LANCL2: variants seen among roughly 807,000 people sequenced by gnomAD.
LANCL2 encodes lanC-like protein 2.
Under a neutral mutation model 56.9 loss-of-function variants are expected in LANCL2, and 33 were observed. The ratio of observed to expected loss-of-function variants is 0.58; its 90% CI spans 0.44 to 0.78. The LOEUF is 0.78. LANCL2 is among the 30% of genes least tolerant of loss of function. The pLI, the probability that LANCL2 is intolerant of heterozygous loss-of-function variation, is 0.00. For synonymous variants in LANCL2, 233 were observed against 228.2 expected (o/e 1.02, Z -0.19); for missense variants, 562 against 580.2 (o/e 0.97, Z 0.32).
chr7:55,375,674 G>A (rs73697217), intron 1 of LANCL2, among the ~76,000 whole-genome samples: 7,689 of 152,218 alleles, frequency 0.051, 648 homozygotes, highest in African/African-American at 0.17. Flanking sequence ...AGAAGTCCAG[G>A]TACAGTCTGG....
intron 1 of LANCL2, among the ~76,000 whole-genome samples, chr7:55,377,148 C>T (rs981120098): frequency 5.9e-5 from 9 of 151,972 alleles, no homozygotes; most frequent in Non-Finnish European, 1.2e-4. Context: ...TAAAATCTAC[C>T]CTTTATTTTT....
intron 1 of LANCL2, among the ~76,000 whole-genome samples, chr7:55,376,605 G>T (rs1014010616): frequency 1.3e-5 from 2 of 152,194 alleles, no homozygotes; most frequent in Non-Finnish European, 2.9e-5. Flanking sequence ...CTCTGTGAGT[G>T]GGCATCTGAT....
At chr7:55,384,646 A>G (rs1442879739) in intron 1 of LANCL2, among the ~76,000 whole-genome samples, 1 of 152,204 alleles carries the variant, frequency 6.6e-6, no homozygotes, top group Non-Finnish European at 1.5e-5. Flanking sequence ...CCAAATCAAG[A>G]CAAAGGTAAA....
chr7:55,388,070 C>T (rs1201163000), intron 1 of LANCL2, among the ~76,000 whole-genome samples: 2 of 152,112 alleles, frequency 1.3e-5, no homozygotes, highest in African/African-American at 4.8e-5. Flanking sequence ...TGTAGGTTAA[C>T]CATTTGAGCT....
chr7:55,421,120 T>TA (rs1790603506), intron 6 of LANCL2, among the ~76,000 whole-genome samples: 1 of 152,218 alleles, frequency 6.6e-6, no homozygotes, highest in South Asian at 2.1e-4. Flanking sequence ...GGACTTGTGT[T>TA]ATAGCTAGTC....
chr7:55,397,755 G>C (rs945957171), intron 2 of LANCL2, among the ~76,000 whole-genome samples: 1 of 144,518 alleles, frequency 6.9e-6, no homozygotes, highest in African/African-American at 2.6e-5. Flanking sequence ...CCCTTCTTTG[G>C]AGATTCTCAG....
intron 6 of LANCL2, among the ~76,000 whole-genome samples, chr7:55,416,327 C>T (rs1231885858): frequency 6.6e-6 from 1 of 152,088 alleles, no homozygotes; most frequent in Admixed American, 6.6e-5. Context: ...TGCACTGTCA[C>T]CCAGGCTGGA....
intron 6 of LANCL2, among the ~76,000 whole-genome samples, chr7:55,415,002 GA>G (rs397824594): frequency 1.2e-4 from 14 of 116,308 alleles, no homozygotes; most frequent in East Asian, 2.5e-4. Flanking sequence ...AAAAAAAAAA[GA>G]AAAGAAAAGA....
intron 1 of LANCL2, among the ~76,000 whole-genome samples, chr7:55,385,686 C>T (rs995015109): frequency 1.7e-4 from 26 of 152,202 alleles, no homozygotes; most frequent in Admixed American, 5.2e-4. Context: ...AGGATGGAGG[C>T]GAAATTAAAA....
chr7:55,389,757 A>G (rs1386704544), intron 1 of LANCL2, among the ~76,000 whole-genome samples: 1 of 152,234 alleles, frequency 6.6e-6, no homozygotes, highest in Non-Finnish European at 1.5e-5. Context: ...AAAGAAGGAA[A>G]GTAAATTGTC....
intron 1 of LANCL2, among the ~76,000 whole-genome samples, chr7:55,369,180 GAA>G (rs1324577111): frequency 1.9e-4 from 29 of 152,256 alleles, no homozygotes; most frequent in African/African-American, 6.7e-4. Flanking sequence ...AGAACTATGA[GAA>G]AATAAATTTA....
At chr7:55,417,610 A>C (rs1322913201) in intron 6 of LANCL2, among the ~76,000 whole-genome samples, 2 of 152,202 alleles carry the variant, frequency 1.3e-5, no homozygotes, top group African/African-American at 2.4e-5. Flanking sequence ...AGCTTCTAAA[A>C]ATGGAGCCTA....
chr7:55,383,400 A>T (rs1790090065), intron 1 of LANCL2, among the ~76,000 whole-genome samples: 1 of 152,082 alleles, frequency 6.6e-6, no homozygotes, highest in African/African-American at 2.4e-5. Flanking sequence ...GATTGGTTTG[A>T]CCATGTATGT....
chr7:55,372,483 C>T (rs568001455), intron 1 of LANCL2, among the ~76,000 whole-genome samples: 7 of 152,242 alleles, frequency 4.6e-5, no homozygotes, highest in South Asian at 4.1e-4. Context: ...TGTAATATAA[C>T]GTATTTGCTA....
chr7:55,366,141 T>C lies in LANCL2; in HGVS notation c.116T>C (p.Leu39Pro). The change falls in exon 1 of 9, where the codon CTC becomes CCC. Residue 39 changes from leucine (L) to proline (P), a missense_variant. Coordinates refer to ENST00000254770, the MANE Select transcript of LANCL2 (RefSeq NM_018697.4). ...TACGAGGCCGCCGCCGGGGCGCTGC[T>C]CGCCTCCGGAGCGGCCGAAGAGACA... ...PDYEAAAGALLASGAAEETGC... is the reference protein window; with the variant it reads ...PDYEAAAGALPASGAAEETGC... 2 of 1,548,406 alleles carry C rather than the reference T, an allele frequency of 1.3e-6. No individual in the cohort carries two copies. The highest frequency in any genetic ancestry group is 1.7e-6 in the Non-Finnish European group (2 of 1,144,624).
At chr7:55,402,109 T>G (rs1421249834) in intron 5 of LANCL2, among the ~76,000 whole-genome samples, 14 of 127,922 alleles carry the variant, frequency 1.1e-4, no homozygotes, top group Non-Finnish European at 1.2e-4. Context: ...CACTTCCCAG[T>G]AGGGGCGGCC....
chr7:55,375,938 C>A (rs1032912405), intron 1 of LANCL2, among the ~76,000 whole-genome samples: 1 of 152,206 alleles, frequency 6.6e-6, no homozygotes, highest in Admixed American at 6.5e-5. Context: ...GTCACTCTCA[C>A]ACTTCACATC....
In LANCL2 at chr7:55,424,354, G is replaced by A. The variant is rs150863691; in HGVS notation, c.1009-900G>A. On this transcript the variant is annotated intron_variant, in intron 6 of 8. Coordinates refer to ENST00000254770, the MANE Select transcript of LANCL2 (RefSeq NM_018697.4). ...ACTCAGGGAGGTGGTGCTTGCTCCT[G>A]GACCCCAGAAAGCTTTGTGCCAGCT... Among the ~76,000 whole-genome samples the A allele has an allele frequency of 1.2e-3, 176 of 152,274 alleles. 1 individual carries two copies. Among genetic ancestry groups the A allele is most frequent in the African/African-American group, 4.0e-3 (165 of 41,538 alleles).
intron 6 of LANCL2, among the ~76,000 whole-genome samples, chr7:55,418,186 T>TTG (rs760631606): frequency 2.7e-4 from 1 of 3,662 alleles, no homozygotes; most frequent in African/African-American, 1.1e-3. Context: ...TACAATTGCG[T>TTG]TTTTTTTTTT....
Sources: gnomAD v4.1 joint callset for allele counts (sites outside exome capture counted in the v4.1 genomes callset) on GRCh38, gnomAD v4.1.1 for gene constraint, MANE v1.5 for transcripts, NCBI Gene and HGNC (gene_info 2026-07-23, HGNC 2026-07-21) for gene names.